Variants in CYP27C1 observed in about 807,000 individuals in gnomAD.
CYP27C1 encodes cytochrome P450 family 27 subfamily C member 1, also known as cytochrome P450 27C1.
Under a neutral mutation model 40.6 loss-of-function variants are expected in CYP27C1, and 29 were observed. That is an observed-to-expected ratio of 0.71 (90% confidence interval 0.53 to 0.97). The LOEUF is 0.97. CYP27C1 is among the 50% of genes least tolerant of loss of function. The pLI, the probability that CYP27C1 is intolerant of heterozygous loss-of-function variation, is 0.00. For missense variants in CYP27C1, 390 were observed against 485.8 expected, an observed-to-expected ratio of 0.80 and a Z score of 1.85; for synonymous variants, 198 against 186.8, an observed-to-expected ratio of 1.06 and a Z score of -0.49.
chr2:127,199,060 G>T (rs543524309), intron 5 of CYP27C1, among the ~76,000 whole-genome samples: 1 of 152,226 alleles, frequency 6.6e-6, no homozygotes, highest in Non-Finnish European at 1.5e-5. Context: ...CAAGGCGGGT[G>T]GATCACCTGA....
At chr2:127,189,803 C>CA (rs1279070329) in intron 8 of CYP27C1, among the ~76,000 whole-genome samples, 1 of 152,188 alleles carries the variant, frequency 6.6e-6, no homozygotes, top group Non-Finnish European at 1.5e-5. Context: ...TTCCTGAATA[C>CA]ACCTGATGAT....
At chr2:127,192,532 C>T (rs1022610650) in intron 8 of CYP27C1, among the ~76,000 whole-genome samples, 1 of 152,194 alleles carries the variant, frequency 6.6e-6, no homozygotes, top group Non-Finnish European at 1.5e-5. Context: ...TGTTTCACAA[C>T]CTAAGAAGCT....
rs1683302549 is a variant in CYP27C1, at chr2:127,209,786, T to G, written c.283-3696A>C. On this transcript the variant is annotated intron_variant, in intron 1 of 8. Transcript: ENST00000664447. This position sits in a 1 kb window ranked among gnomAD's most constrained non-coding sequence, Gnocchi z 4.1. ...TATCAGAATTTGAAGACCACCTTAC[T>G]GAAATAAGACATGCAGACAAGAATA... Among the ~76,000 whole-genome samples the G allele has an allele frequency of 6.6e-6, 1 of 152,038 alleles. No homozygotes were observed. The highest frequency in any genetic ancestry group is 6.5e-5 in the Admixed American group (1 of 15,268).
At position 127,191,536 on chromosome 2, in the gene CYP27C1, A is replaced by T. The variant is rs760041401; in HGVS notation, c.1497+1558T>A. On this transcript the variant is annotated intron_variant, in intron 8 of 8. Coordinates refer to ENST00000664447, the MANE Select transcript of CYP27C1 (RefSeq NM_001367502.1). ...CACAGCAGCATTTTAGGGAGCTGAG[A>T]CCTTCCTGAAAACACTCCCCACAGC... Among the ~76,000 whole-genome samples the T allele has an allele frequency of 3.9e-5, 6 of 152,260 alleles. No homozygotes were observed. In the South Asian group the frequency reaches 1.2e-3, roughly 32 times the overall value.
intron 1 of CYP27C1, among the ~76,000 whole-genome samples, chr2:127,213,350 A>G (rs1013310272): frequency 1.3e-5 from 2 of 152,124 alleles, no homozygotes; most frequent in Non-Finnish European, 2.9e-5. Context: ...AAGACCCCAT[A>G]TAGCCAAAAC....
intron 1 of CYP27C1, among the ~76,000 whole-genome samples, chr2:127,213,364 C>G (rs539305182): frequency 2.0e-5 from 3 of 151,872 alleles, no homozygotes; most frequent in Admixed American, 2.0e-4. Flanking sequence ...CCAAAACAAT[C>G]CTAAGCAAAA....
rs1573898948 is a variant in CYP27C1 at position 127,201,804 on chromosome 2, A to G, written c.674-473T>C. ...ACCTGGCCACTGGGGATCGCCTTCC[A>G]GCCACTTGCCCAACTTGAGGAATTG... is the stretch of plus-strand genomic sequence containing the variant. On this transcript the variant is annotated intron_variant, in intron 3 of 8. Coordinates refer to ENST00000664447, the MANE Select transcript of CYP27C1 (RefSeq NM_001367502.1). The surrounding 1 kb of genome is among the most constrained non-coding windows in gnomAD (Gnocchi z 6.0). Among the ~76,000 whole-genome samples the G allele has an allele frequency of 6.6e-6, 1 of 152,170 alleles. No homozygotes were observed.
rs547196058 is a variant in CYP27C1, at chr2:127,193,209, C to T, written c.1382G>A (p.Arg461Gln). Residue 461 changes from arginine to glutamine, a missense_variant, in exon 8 of 9, where the codon CGG becomes CAG. Transcript: ENST00000664447. Reference sequence around the variant, plus strand: ...GTCAACTCTATCTAAGTCTCCTTTCCGCAGCCAGCGCTCAGGCCGGAACTC... The same window carrying T: ...GTCAACTCTATCTAAGTCTCCTTTCTGCAGCCAGCGCTCAGGCCGGAACTC... ...AKEFRPERWL[R>Q]KGDLDRVDNF... 8.7e-6 allele frequency: 14 copies of T among 1,614,208 alleles called. No homozygotes were observed. The highest frequency in any genetic ancestry group is 4.5e-5 in the East Asian group (2 of 44,886).
At chr2:127,211,369 G>GTTTTTTTTTTTTTTTTTTT (rs371826841) in intron 1 of CYP27C1, among the ~76,000 whole-genome samples, 3 of 94,940 alleles carry the variant, frequency 3.2e-5, no homozygotes, top group African/African-American at 4.3e-5. Flanking sequence ...GTGTTTTTTT[G>GTTTTTTTTTTTTTTTTTTT]TTTTTTTTTT....
rs370461148 is a variant in CYP27C1, at chr2:127,203,442, G to A, written c.603C>T (p.Leu201=). ...IADLIKRIYL[L]RSQAEDGETV... ...TTTCTCCATCTTCTGCCTGGCTCCT[G>A]AGGAGGTAGATTCTTTTAATTAAGT... The change falls in exon 3 of 9, where the codon CTC becomes CTT. Residue 201 remains leucine, a synonymous_variant. Transcript: ENST00000664447. 1.3e-5 allele frequency: 21 copies of A among 1,613,856 alleles called. No individual in the cohort carries two copies. The highest frequency in any genetic ancestry group is 1.8e-5 in the Non-Finnish European group (21 of 1,180,008).
At chr2:127,189,751 G>A (rs1266079425) in intron 8 of CYP27C1, among the ~76,000 whole-genome samples, 1 of 151,998 alleles carries the variant, frequency 6.6e-6, no homozygotes, top group African/African-American at 2.4e-5. Flanking sequence ...TTATCTTGGT[G>A]AATTCTACTG....
Position 127,205,692 on chromosome 2 carries a change from C to A in CYP27C1, c.473+208G>T, listed in dbSNP as rs75071675. Reference sequence around the variant, plus strand: ...CAGCGTCGCCCCTCCTGGCTCCTGACGGGACAACTCTGCACGGAGGAGGAG... The same window carrying A: ...CAGCGTCGCCCCTCCTGGCTCCTGAAGGGACAACTCTGCACGGAGGAGGAG... On this transcript the variant is annotated intron_variant, in intron 2 of 8. Transcript: ENST00000664447. 1.2e-3 allele frequency: 1,229 copies of A among 985,518 alleles called. 27 individuals carry two copies. The East Asian group carries it at 0.041, about 33-fold the overall frequency. 61.0% of individuals were successfully genotyped at this position (985,518 alleles called of 1,614,324 possible). A position where few individuals can be genotyped will look rare whatever the true frequency, so the allele number is the denominator to read the frequency against.
rs1184231103 is a variant in CYP27C1, at chr2:127,199,535, T to G, written c.888A>C (p.Gln296His). Residue 296 changes from glutamine (Q) to histidine (H), a missense_variant, in exon 5 of 9, where the codon CAA (glutamine) becomes CAC (histidine). Gln to His is a conservative substitution (Grantham distance 24). Coordinates refer to ENST00000664447, the MANE Select transcript of CYP27C1 (RefSeq NM_001367502.1). ...RSWDGLFKFS[Q>H]IHVDNKLRDI... is the part of the protein sequence containing the mutation. The stretch of plus-strand genomic sequence containing the variant: ...CCCTCAACTTGTTGTCAACATGAAT[T>G]TGGCCTGTTTGAAAACAGTATTTCT... The G allele has an allele frequency of 6.2e-7, 1 of 1,612,718 alleles. No homozygotes were observed. The highest frequency in any genetic ancestry group is 8.5e-7 in the Non-Finnish European group (1 of 1,179,210).
rs551294870 is a variant in CYP27C1 at position 127,218,832 on chromosome 2, C to G, written c.282+1157G>C. Among the ~76,000 whole-genome samples the G allele has an allele frequency of 2.8e-3, 430 of 152,324 alleles. 1 individual carries two copies. The highest frequency in any genetic ancestry group is 0.01 in the African/African-American group (417 of 41,576). Reference sequence around the variant, plus strand: ...AACAGTGCGTGCTGGGCCGGGCACCCGGGGAGGCGGACGATGGGCGAAGGC... The same window carrying G: ...AACAGTGCGTGCTGGGCCGGGCACCGGGGGAGGCGGACGATGGGCGAAGGC... On this transcript the variant is annotated intron_variant, in intron 1 of 8. Coordinates refer to ENST00000664447, the MANE Select transcript of CYP27C1 (RefSeq NM_001367502.1). The surrounding 1 kb of genome is among the most constrained non-coding windows in gnomAD (Gnocchi z 6.0).
rs1221501578 is a variant in CYP27C1, at chr2:127,219,166, C to G, written c.282+823G>C. Among the ~76,000 whole-genome samples, 1 of 152,128 alleles carries G rather than the reference C, an allele frequency of 6.6e-6. No homozygotes were observed. Among genetic ancestry groups the G allele is most frequent in the African/African-American group, 2.4e-5 (1 of 41,434 alleles). On this transcript the variant is annotated intron_variant, in intron 1 of 8. Transcript: ENST00000664447. The surrounding 1 kb of genome is among the most constrained non-coding windows in gnomAD (Gnocchi z 8.7). ...AGGACTAGAAATGAATACACACGGT[C>G]TCGGCCACCTAAGGACACCGAGCTC... is the stretch of plus-strand genomic sequence containing the variant.
intron 3 of CYP27C1, among the ~76,000 whole-genome samples, chr2:127,202,192 T>C (rs968420660): frequency 3.9e-5 from 6 of 151,968 alleles, no homozygotes; most frequent in African/African-American, 1.5e-4. Flanking sequence ...TTGTGTGGTC[T>C]TGGCTCACTG....
At chr2:127,205,826 T>A in intron 2 of CYP27C1, 74 bp downstream of exon 2, 2 of 921,402 alleles carry the variant, frequency 2.2e-6, no homozygotes, top group Non-Finnish European at 2.6e-6. Flanking sequence ...TTTTAGGAAC[T>A]CAGCTTTGGA....
At position 127,219,648 on chromosome 2, in the gene CYP27C1, G is replaced by T. The variant is rs112464345; in HGVS notation, c.282+341C>A. On this transcript the variant is annotated intron_variant, in intron 1 of 8. Coordinates refer to ENST00000664447, the MANE Select transcript of CYP27C1 (RefSeq NM_001367502.1). The surrounding 1 kb of genome is among the most constrained non-coding windows in gnomAD (Gnocchi z 8.7). ...CGCCTCTTCCCAGCCGTTCCTTTCT[G>T]GCCCCGTTCCTCAGCTCCCTCTGCC... Among the ~76,000 whole-genome samples the T allele has an allele frequency of 9.5e-4, 142 of 150,152 alleles. No individual in the cohort carries two copies. Among genetic ancestry groups the T allele is most frequent in the African/African-American group, 3.3e-3 (136 of 40,734 alleles).
chr2:127,194,474 TG>T (rs1169372670), intron 6 of CYP27C1, among the ~76,000 whole-genome samples: 1 of 152,164 alleles, frequency 6.6e-6, no homozygotes, highest in Non-Finnish European at 1.5e-5. Flanking sequence ...ATGCCGTGTT[TG>T]GGGGAAGGGA....
Sources: gnomAD v4.1 joint callset for allele counts (sites outside exome capture counted in the v4.1 genomes callset) on GRCh38, gnomAD v4.1.1 for gene constraint, Gnocchi (gnomAD v3.1) non-coding constraint, MANE v1.5 for transcripts, NCBI Gene and HGNC (gene_info 2026-07-23, HGNC 2026-07-21) for gene names.